Variants in PTN observed in about 807,000 individuals in gnomAD.
The protein encoded by PTN is heparin affin regulatory protein.
In PTN, 18 loss-of-function variants were observed where a neutral mutation model predicts 24.1. The ratio of observed to expected loss-of-function variants is 0.75; its 90% CI spans 0.52 to 1.11. The LOEUF (loss-of-function observed/expected upper bound fraction) is 1.11, where lower values mean the gene tolerates loss of function less well. Among genes scored for constraint, PTN ranks in the 50% least tolerant of loss-of-function variants. The pLI is 0.00. For missense variants in PTN, 163 were observed against 198.8 expected (o/e 0.82, Z 1.08); for synonymous variants, 78 against 68.6 (o/e 1.14, Z -0.67).
intron 1 of PTN, among the ~76,000 whole-genome samples, chr7:137,265,276 T>C (rs1809120667): frequency 6.6e-6 from 1 of 152,176 alleles, no homozygotes; most frequent in Non-Finnish European, 1.5e-5. Flanking sequence ...CACTTTACAA[T>C]GTCTTATTTT....
intron 4 of PTN, among the ~76,000 whole-genome samples, chr7:137,240,627 G>T (rs1287386415): frequency 6.6e-6 from 1 of 152,238 alleles, no homozygotes; most frequent in Non-Finnish European, 1.5e-5. Context: ...GGCCCAGTCT[G>T]CTGTCTCCTG....
intron 1 of PTN, among the ~76,000 whole-genome samples, chr7:137,321,582 T>C (rs1438503444): frequency 2.6e-5 from 4 of 152,234 alleles, no homozygotes; most frequent in Admixed American, 6.5e-5. Context: ...AATTTTTCCA[T>C]GACAATGTGA....
chr7:137,281,225 T>C (rs1296254266), intron 1 of PTN, among the ~76,000 whole-genome samples: 1 of 151,590 alleles, frequency 6.6e-6, no homozygotes, highest in Non-Finnish European at 1.5e-5. Flanking sequence ...AGGGACCAAG[T>C]GCCAACTATA....
intron 1 of PTN, among the ~76,000 whole-genome samples, chr7:137,303,829 T>C (rs759675739): frequency 6.6e-6 from 1 of 152,070 alleles, no homozygotes; most frequent in Non-Finnish European, 1.5e-5. Context: ...TAAGTTCATA[T>C]ATAATGCCCA....
At chr7:137,296,998 C>G (rs1331386056) in intron 1 of PTN, among the ~76,000 whole-genome samples, 4 of 152,040 alleles carry the variant, frequency 2.6e-5, no homozygotes, top group African/African-American at 7.2e-5. Context: ...TATTCCAAAT[C>G]AGAGCTAATT....
intron 4 of PTN, among the ~76,000 whole-genome samples, chr7:137,238,240 T>C (rs1450286379): frequency 2.0e-5 from 3 of 152,132 alleles, no homozygotes; most frequent in African/African-American, 4.8e-5. Context: ...ATCCCTCAAA[T>C]TGTGGTGAAG....
chr7:137,259,083 G>A (rs1808986387), intron 1 of PTN, among the ~76,000 whole-genome samples: 1 of 151,906 alleles, frequency 6.6e-6, no homozygotes, highest in Admixed American at 6.6e-5. Context: ...TTTGGGTGCT[G>A]GTGTCTGGAA....
At chr7:137,252,545 C>T (rs1808846730) in intron 3 of PTN, among the ~76,000 whole-genome samples, 2 of 151,768 alleles carry the variant, frequency 1.3e-5, no homozygotes, top group South Asian at 4.1e-4. Flanking sequence ...CCAAATGTAC[C>T]TGTTCTCCAT....
At chr7:137,249,631 ACT>A (rs1808786810) in intron 4 of PTN, among the ~76,000 whole-genome samples, 2 of 152,104 alleles carry the variant, frequency 1.3e-5, no homozygotes, top group African/African-American at 2.4e-5. Flanking sequence ...GACTACAGTA[ACT>A]CTGAGTTTTG....
At chr7:137,312,751 A>G (rs1417302580) in intron 1 of PTN, among the ~76,000 whole-genome samples, 2 of 152,320 alleles carry the variant, frequency 1.3e-5, no homozygotes, top group South Asian at 2.1e-4. Flanking sequence ...TAAATTTTCA[A>G]TAAAGTTACA....
chr7:137,338,657 G>T (rs547467595), intron 1 of PTN, among the ~76,000 whole-genome samples: 1 of 152,230 alleles, frequency 6.6e-6, no homozygotes, highest in African/African-American at 2.4e-5. Context: ...ATCATTAGCT[G>T]CTTGAAGACA....
intron 1 of PTN, among the ~76,000 whole-genome samples, chr7:137,310,395 T>C (rs1055181419): frequency 2.8e-5 from 3 of 107,956 alleles, no homozygotes; most frequent in Non-Finnish European, 5.5e-5. Flanking sequence ...ACCATGTTTT[T>C]TTTTTTTTGT....
intron 1 of PTN, among the ~76,000 whole-genome samples, chr7:137,290,917 C>T (rs1233067966): frequency 6.6e-6 from 1 of 152,138 alleles, no homozygotes; most frequent in Non-Finnish European, 1.5e-5. Flanking sequence ...AACCATTTCT[C>T]TTCATCACAC....
intron 1 of PTN, among the ~76,000 whole-genome samples, chr7:137,271,225 AAAAC>A (rs766571644): frequency 2.3e-4 from 35 of 152,364 alleles, no homozygotes; most frequent in Middle Eastern, 3.4e-3. Flanking sequence ...TTCAGAATTA[AAAAC>A]AAACAAATCA....
intron 1 of PTN, among the ~76,000 whole-genome samples, chr7:137,268,143 G>C (rs956797516): frequency 5.3e-5 from 8 of 152,016 alleles, no homozygotes; most frequent in African/African-American, 1.9e-4. Context: ...CAGCCACTGC[G>C]TTGATCCTCC....
chr7:137,269,578 C>A (rs1255311921), intron 1 of PTN, among the ~76,000 whole-genome samples: 2 of 144,978 alleles, frequency 1.4e-5, no homozygotes, highest in African/African-American at 5.2e-5. Context: ...TGCTTTAAAT[C>A]TTGACCATGG....
At chr7:137,242,440 T>C (rs1321490290) in intron 4 of PTN, among the ~76,000 whole-genome samples, 2 of 152,096 alleles carry the variant, frequency 1.3e-5, no homozygotes, top group Admixed American at 1.3e-4. Context: ...ATTCCCTGAC[T>C]CACCTGTAGC....
chr7:137,297,385 G>C (rs1266720204), intron 1 of PTN, among the ~76,000 whole-genome samples: 1 of 152,090 alleles, frequency 6.6e-6, no homozygotes, highest in East Asian at 1.9e-4. Context: ...TGGAAGATGA[G>C]TCCCAGCAAG....
chr7:137,277,713 G>T (rs117112690), intron 1 of PTN, among the ~76,000 whole-genome samples: 1 of 152,026 alleles, frequency 6.6e-6, no homozygotes, highest in Non-Finnish European at 1.5e-5. Context: ...GGGACTACAG[G>T]CACATGTCAC....
Sources: allele counts gnomAD v4.1 joint callset (sites outside exome capture counted in the v4.1 genomes callset), GRCh38; gene constraint gnomAD v4.1.1; transcripts MANE v1.5; gene names NCBI Gene and HGNC (gene_info 2026-07-23, HGNC 2026-07-21).